The following KCNT2 variants were observed in gnomAD, a reference collection of about 807,000 sequenced individuals.
KCNT2 encodes the protein potassium sodium-activated channel subfamily T member 2.
KCNT2 carries 67 observed loss-of-function variants against 153.8 expected under a neutral mutation model. The observed-to-expected ratio is 0.44, with a 90% CI of 0.36 to 0.53. KCNT2 has a LOEUF of 0.53. Among genes scored for constraint, KCNT2 ranks in the 20% least tolerant of loss-of-function variants. The pLI is 0.00. For synonymous variants in KCNT2, 500 were observed against 458.8 expected (o/e 1.09, Z -1.15); for missense variants, 975 against 1,354.8 (o/e 0.72, Z 4.40).
intron 17 of KCNT2, among the ~76,000 whole-genome samples, chr1:196,333,105 T>G (rs967205843): frequency 6.6e-6 from 1 of 151,552 alleles, no homozygotes; most frequent in Non-Finnish European, 1.5e-5. Context: ...TTTTTTTTTT[T>G]TTTTGTTTGT....
intron 22 of KCNT2, among the ~76,000 whole-genome samples, chr1:196,290,978 C>T (rs1033087011): frequency 6.6e-6 from 1 of 152,120 alleles, no homozygotes. Flanking sequence ...ACTCAGCATT[C>T]AGGGCATTCT....
At chr1:196,399,334 A>T (rs1294537438) in intron 12 of KCNT2, among the ~76,000 whole-genome samples, 1 of 151,798 alleles carries the variant, frequency 6.6e-6, no homozygotes, top group Non-Finnish European at 1.5e-5. Flanking sequence ...TAGCTAATAC[A>T]TTTTTGGAAA....
At chr1:196,504,695 C>T (rs950531801) in intron 1 of KCNT2, among the ~76,000 whole-genome samples, 19 of 152,242 alleles carry the variant, frequency 1.2e-4, no homozygotes, top group African/African-American at 4.6e-4. Context: ...GTTTATAGTC[C>T]CACCAACAGT....
intron 14 of KCNT2, among the ~76,000 whole-genome samples, chr1:196,368,166 C>T (rs1054217612): frequency 1.3e-5 from 2 of 152,096 alleles, no homozygotes; most frequent in Non-Finnish European, 2.9e-5. Context: ...TTAACTAATG[C>T]AATATTCCTT....
chr1:196,477,113 C>T (rs1388577854), intron 5 of KCNT2, among the ~76,000 whole-genome samples: 1 of 151,694 alleles, frequency 6.6e-6, no homozygotes, highest in Non-Finnish European at 1.5e-5. Context: ...TCTATACTTT[C>T]TTATTCATCA....
chr1:196,299,411 A>G (rs1660975737), intron 22 of KCNT2, among the ~76,000 whole-genome samples: 1 of 152,188 alleles, frequency 6.6e-6, no homozygotes, highest in Non-Finnish European at 1.5e-5. Context: ...AGGTCAGATG[A>G]AAAGGAAAAT....
intron 22 of KCNT2, among the ~76,000 whole-genome samples, chr1:196,303,910 A>C (rs758534875): frequency 2.1e-4 from 32 of 152,142 alleles, no homozygotes; most frequent in Non-Finnish European, 4.4e-4. Flanking sequence ...GTTTGCTTTC[A>C]AGTCTGAGTC....
intron 18 of KCNT2, 103 bp downstream of exon 18, chr1:196,331,053 T>G: frequency 1.4e-6 from 1 of 715,072 alleles, no homozygotes; most frequent in Non-Finnish European, 2.5e-6. Context: ...CAATACCCCT[T>G]AAACATATTG....
intron 12 of KCNT2, among the ~76,000 whole-genome samples, chr1:196,401,141 C>T (rs1671379893): frequency 6.6e-6 from 1 of 151,814 alleles, no homozygotes; most frequent in Non-Finnish European, 1.5e-5. Context: ...TCTGAGCTGA[C>T]ATTTGTGAAG....
At chr1:196,361,745 G>T (rs1382266747) in intron 14 of KCNT2, among the ~76,000 whole-genome samples, 2 of 152,122 alleles carry the variant, frequency 1.3e-5, no homozygotes, top group Non-Finnish European at 2.9e-5. Flanking sequence ...TTTCAAATCT[G>T]ACTGAAACCA....
intron 21 of KCNT2, among the ~76,000 whole-genome samples, chr1:196,311,323 A>T (rs1422687114): frequency 6.6e-6 from 1 of 151,802 alleles, no homozygotes; most frequent in African/African-American, 2.4e-5. Context: ...CTAGATGCTC[A>T]ATAAACCTAG....
At chr1:196,443,463 A>G (rs1481415739) in intron 8 of KCNT2, among the ~76,000 whole-genome samples, 14 of 151,598 alleles carry the variant, frequency 9.2e-5, no homozygotes, top group Admixed American at 9.2e-4. Flanking sequence ...ACTCCATCAC[A>G]TAAAATAGTT....
chr1:196,405,224 A>G (rs1317354224), intron 12 of KCNT2, among the ~76,000 whole-genome samples: 1 of 151,406 alleles, frequency 6.6e-6, no homozygotes, highest in Non-Finnish European at 1.5e-5. Context: ...TTGGGGACAA[A>G]TTCATCCTTA....
At position 196,570,067 on chromosome 1, in the gene KCNT2, T is replaced by TAA. The variant is rs199836975; in HGVS notation, c.95+38146_95+38147dup. Among the ~76,000 whole-genome samples, 49 of 133,720 alleles carry TAA rather than the reference T, an allele frequency of 3.7e-4. 1 individual carries two copies. Among genetic ancestry groups the TAA allele is most frequent in the African/African-American group, 1.6e-3 (44 of 27,536 alleles). 87.7% of individuals were successfully genotyped at this position (133,720 alleles called of 152,430 possible). A position where few individuals can be genotyped will look rare whatever the true frequency, so the allele number is the denominator to read the frequency against. ...TGAGTCCAGGAAGCTTGAGCTAGAG[T>TAA]AAAAAAAAAAAAAAAAAAAAAAAAA... On this transcript the variant is annotated intron_variant, in intron 1 of 27. Coordinates refer to ENST00000294725, the MANE Select transcript of KCNT2 (RefSeq NM_198503.5).
At chr1:196,411,791 C>A (rs1366153431) in intron 12 of KCNT2, among the ~76,000 whole-genome samples, 3 of 151,778 alleles carry the variant, frequency 2.0e-5, no homozygotes, top group African/African-American at 7.2e-5. Context: ...CCCTTATCCA[C>A]AGGGGTGGGG....
intron 21 of KCNT2, 64 bp from the exon 22 acceptor site, chr1:196,305,409 T>C: frequency 1.2e-6 from 1 of 850,704 alleles, no homozygotes; most frequent in Non-Finnish European, 2.0e-6. Flanking sequence ...TATAACAACA[T>C]ATTTATGAGT....
intron 1 of KCNT2, among the ~76,000 whole-genome samples, chr1:196,528,605 A>G (rs1196411105): frequency 6.6e-6 from 1 of 152,190 alleles, no homozygotes; most frequent in Non-Finnish European, 1.5e-5. Context: ...GGTCCATTTT[A>G]AAAAGAAGCC....
chr1:196,454,489 T>C (rs1676486911), intron 8 of KCNT2, among the ~76,000 whole-genome samples: 1 of 151,954 alleles, frequency 6.6e-6, no homozygotes, highest in African/African-American at 2.4e-5. Flanking sequence ...GTTCCTGCAT[T>C]AATTCACTTA....
chr1:196,324,501 G>A (rs750518146), intron 19 of KCNT2, among the ~76,000 whole-genome samples: 10 of 151,882 alleles, frequency 6.6e-5, no homozygotes, highest in Non-Finnish European at 1.2e-4. Flanking sequence ...TGTTTACATC[G>A]TAATTTGAGA....
Sources: gnomAD v4.1 joint callset for allele counts (sites outside exome capture counted in the v4.1 genomes callset) on GRCh38, gnomAD v4.1.1 for gene constraint, MANE v1.5 for transcripts, NCBI Gene and HGNC (gene_info 2026-07-23, HGNC 2026-07-21) for gene names.